ATP5MK: variants seen among roughly 807,000 people sequenced by gnomAD.
The protein encoded by ATP5MK is ATP synthase F(0) complex subunit k, mitochondrial.
In ATP5MK, 5 loss-of-function variants were observed where a neutral mutation model predicts 6.6. The ratio of observed to expected loss-of-function variants is 0.76; its 90% confidence interval spans 0.40 to 1.60. ATP5MK has a LOEUF of 1.60. Among genes scored for constraint, ATP5MK ranks in the 40% most tolerant of loss-of-function variants. The probability of loss-of-function intolerance (pLI) is 0.02; values close to 1 mark genes in which losing one functional copy is unlikely to be tolerated. For synonymous variants in ATP5MK, 30 were observed against 24.5 expected, an observed-to-expected ratio of 1.22 and a Z score of -0.66; for missense variants, 57 against 66.6, an observed-to-expected ratio of 0.86 and a Z score of 0.50.
intron 4 of ATP5MK, among the ~76,000 whole-genome samples, chr10:103,389,700 T>C (rs1012657198): frequency 2.0e-5 from 3 of 152,162 alleles, no homozygotes; most frequent in Non-Finnish European, 4.4e-5. Context: ...CCTAAAGGTA[T>C]ACTATTGGAA....
intron 2 of ATP5MK, among the ~76,000 whole-genome samples, chr10:103,393,284 A>T (rs1049108349): frequency 9.2e-5 from 14 of 152,208 alleles, no homozygotes; most frequent in Non-Finnish European, 1.6e-4. Context: ...TGCTTGGAGT[A>T]TAAACTGGTA....
chr10:103,393,241 A>C (rs1203128968), intron 2 of ATP5MK, among the ~76,000 whole-genome samples: 1 of 152,230 alleles, frequency 6.6e-6, no homozygotes, highest in African/African-American at 2.4e-5. Context: ...AGTAGTATTA[A>C]GTATGTGAGA....
chr10:103,390,030 C>A (rs953405147), intron 4 of ATP5MK, among the ~76,000 whole-genome samples: 2 of 152,174 alleles, frequency 1.3e-5, no homozygotes, highest in Admixed American at 6.5e-5. Flanking sequence ...CCACGCCCAG[C>A]CTCTCCATTT....
At chr10:103,391,740 T>G (rs886890275) in intron 4 of ATP5MK, among the ~76,000 whole-genome samples, 14 of 152,160 alleles carry the variant, frequency 9.2e-5, no homozygotes, top group African/African-American at 3.4e-4. Flanking sequence ...ACTCCTGACC[T>G]CAGGTGATCC....
At chr10:103,392,780 T>C (rs2093418453) in intron 2 of ATP5MK, among the ~76,000 whole-genome samples, 1 of 152,176 alleles carries the variant, frequency 6.6e-6, no homozygotes, top group African/African-American at 2.4e-5. Flanking sequence ...CCTGGCTCCA[T>C]CACACCACAG....
chr10:103,392,125 A>G, intron 4 of ATP5MK, 66 bp downstream of exon 4: 1 of 1,429,810 alleles, frequency 7.0e-7, no homozygotes, highest in South Asian at 1.3e-5. Flanking sequence ...TTTTATACTA[A>G]ATGTTAGGGA....
At chr10:103,393,362 C>T (rs577080704) in intron 2 of ATP5MK, among the ~76,000 whole-genome samples, 30 of 152,000 alleles carry the variant, frequency 2.0e-4, no homozygotes, top group South Asian at 1.0e-3. Flanking sequence ...CGGGTGGATG[C>T]GAGGTCAGGA....
intron 4 of ATP5MK, among the ~76,000 whole-genome samples, 174 bp from the exon 5 acceptor site, chr10:103,389,340 T>C (rs2093406549): frequency 6.6e-6 from 1 of 152,164 alleles, no homozygotes; most frequent in African/African-American, 2.4e-5. Context: ...TTTTTTTTTT[T>C]GAGACAGAGT....
intron 4 of ATP5MK, among the ~76,000 whole-genome samples, chr10:103,390,787 T>C (rs1323458333): frequency 6.7e-6 from 1 of 150,246 alleles, no homozygotes; most frequent in Non-Finnish European, 1.5e-5. Flanking sequence ...TCAAACTCCA[T>C]CTCAAAAAAA....
chr10:103,395,042 C>T (rs535675151), intron 2 of ATP5MK, among the ~76,000 whole-genome samples: 1 of 152,216 alleles, frequency 6.6e-6, no homozygotes, highest in African/African-American at 2.4e-5. Context: ...GGTTCAAGAA[C>T]TGAAATCAAT....
rs748051860 is a variant in ATP5MK at position 103,392,432 on chromosome 10, T to C, written c.26A>G (p.Gln9Arg). 3 of 1,605,362 alleles carry C rather than the reference T, an allele frequency of 1.9e-6. No homozygotes were observed. The African/African-American group carries it at 4.0e-5, about 22-fold the overall frequency. ...TTTTTTAATACCAGTGAACTGGTAT[T>C]GCGCATCACTTTCTGGACCTGCCAT... is the stretch of plus-strand genomic sequence containing the variant. MAGPESDA[Q>R]YQFTGIKKYF... is the part of the protein sequence containing the mutation. Residue 9 changes from glutamine to arginine, a missense_variant, in exon 3 of 5, where the codon CAA (glutamine) becomes CGA (arginine). Gln to Arg is a conservative substitution (Grantham distance 43). Transcript: ENST00000369815.
chr10:103,390,848 T>C (rs561637368), intron 4 of ATP5MK, among the ~76,000 whole-genome samples: 127 of 151,850 alleles, frequency 8.4e-4, no homozygotes, highest in African/African-American at 2.7e-3. Context: ...GCATTTGGGC[T>C]TTCCACATAT....
At chr10:103,393,746 A>G (rs958960806) in intron 2 of ATP5MK, among the ~76,000 whole-genome samples, 2 of 152,158 alleles carry the variant, frequency 1.3e-5, no homozygotes, top group African/African-American at 4.8e-5. Flanking sequence ...GTGGAAACAC[A>G]TTGTGTGGTT....
intron 4 of ATP5MK, 113 bp downstream of exon 4, chr10:103,392,078 T>C (rs1179773664): frequency 3.4e-6 from 3 of 890,536 alleles, no homozygotes; most frequent in Non-Finnish European, 3.4e-6. Flanking sequence ...TTTTTTTTCT[T>C]GTATGCTATA....
chr10:103,389,782 A>C (rs1421830797), intron 4 of ATP5MK, among the ~76,000 whole-genome samples: 1 of 151,758 alleles, frequency 6.6e-6, no homozygotes, highest in Non-Finnish European at 1.5e-5. Flanking sequence ...CCCAGGATGG[A>C]GTGTAGCAGC....
chr10:103,394,892 C>G (rs972333488), intron 2 of ATP5MK, among the ~76,000 whole-genome samples: 4 of 152,038 alleles, frequency 2.6e-5, no homozygotes, highest in African/African-American at 9.7e-5. Context: ...TACATTACAT[C>G]TAACTAAACT....
chr10:103,389,893 G>A (rs568858640), intron 4 of ATP5MK, among the ~76,000 whole-genome samples: 7 of 150,714 alleles, frequency 4.6e-5, no homozygotes, highest in African/African-American at 1.5e-4. Flanking sequence ...CACCACGCCC[G>A]GCTAATTTTT....
intron 2 of ATP5MK, among the ~76,000 whole-genome samples, chr10:103,394,888 AC>A (rs1340449061): frequency 6.6e-6 from 1 of 151,988 alleles, no homozygotes; most frequent in Non-Finnish European, 1.5e-5. Context: ...CCACTACATT[AC>A]ATCTAACTAA....
intron 2 of ATP5MK, among the ~76,000 whole-genome samples, chr10:103,395,328 C>T (rs1413182729): frequency 1.3e-5 from 2 of 152,198 alleles, no homozygotes; most frequent in East Asian, 1.9e-4. Flanking sequence ...GACAAGGTCT[C>T]GCTCTGTCGT....
Sources: gnomAD v4.1 joint callset for allele counts (sites outside exome capture counted in the v4.1 genomes callset) on GRCh38, gnomAD v4.1.1 for gene constraint, MANE v1.5 for transcripts, NCBI Gene and HGNC (gene_info 2026-07-23, HGNC 2026-07-21) for gene names.